TSPAN9: variants seen among roughly 807,000 people sequenced by gnomAD.
TSPAN9 encodes tetraspanin 9, also known as tetraspanin-9.
In TSPAN9, 16 loss-of-function variants were observed where a neutral mutation model predicts 31.0. The ratio of observed to expected loss-of-function variants is 0.52; its 90% CI spans 0.35 to 0.78. The LOEUF (loss-of-function observed/expected upper bound fraction) is 0.78. Among genes scored for constraint, TSPAN9 ranks in the 30% least tolerant of loss-of-function variants. The pLI, the probability that TSPAN9 is intolerant of heterozygous loss-of-function variation, is 0.01. For synonymous variants in TSPAN9, 145 were observed against 121.6 expected (o/e 1.19, Z -1.27); for missense variants, 272 against 312.5 (o/e 0.87, Z 0.98).
At chr12:3,277,063 T>A (rs1184364740) in intron 3 of TSPAN9, among the ~76,000 whole-genome samples, 1 of 152,170 alleles carries the variant, frequency 6.6e-6, no homozygotes, top group Non-Finnish European at 1.5e-5. Flanking sequence ...GCCCGGGAAG[T>A]GCCTTTCCAG....
rs151320166 is a variant in TSPAN9, at chr12:3,110,723, C to T, written c.-18+27004C>T. On this transcript the variant is annotated intron_variant, in intron 2 of 8. Coordinates refer to ENST00000011898, the MANE Select transcript of TSPAN9 (RefSeq NM_006675.5). Reference sequence around the variant, plus strand: ...TTGGAAACAAAAATGCAAACACAAGCACAGTTCACCCAGGTTCAGACTGTT... The same window carrying T: ...TTGGAAACAAAAATGCAAACACAAGTACAGTTCACCCAGGTTCAGACTGTT... 5.7e-4 allele frequency among the ~76,000 whole-genome samples: 87 copies of T among 152,298 alleles called. 1 individual carries two copies. The highest frequency in any genetic ancestry group is 2.0e-3 in the African/African-American group (82 of 41,558).
Position 3,280,313 on chromosome 12 carries a change from C to A in TSPAN9, c.331-69C>A. 1 of 1,422,992 alleles carries A rather than the reference C, an allele frequency of 7.0e-7. No individual in the cohort carries two copies. The highest frequency in any genetic ancestry group is 1.2e-5 in the South Asian group (1 of 86,558). The allele number at this position is 1,422,992 out of a possible 1,614,324, so 88.1% of individuals were successfully genotyped here. On this transcript the variant is annotated intron_variant, in intron 5 of 8. Transcript: ENST00000011898. The surrounding 1 kb of genome is among the most constrained non-coding windows in gnomAD (Gnocchi z 4.5). Reference sequence around the variant, plus strand: ...TCTGTCACCCACCATCCTGGGTGACCTGAGGTGGGCTGGAGAGACGAGCTG... The same window carrying A: ...TCTGTCACCCACCATCCTGGGTGACATGAGGTGGGCTGGAGAGACGAGCTG...
rs746496890 is a variant in TSPAN9, at chr12:3,168,400, T to G, written c.-17-32777T>G. ...CAATATGTTCCGGGTGCTGTAGGGG[T>G]GCTGGGTGAACAAGAACTGGGCCTG... On this transcript the variant is annotated intron_variant, in intron 2 of 8. Transcript: ENST00000011898. The surrounding 1 kb of genome is among the most constrained non-coding windows in gnomAD (Gnocchi z 4.0). Among the ~76,000 whole-genome samples, 1 of 151,870 alleles carries G rather than the reference T, an allele frequency of 6.6e-6. No homozygotes were observed. The highest frequency in any genetic ancestry group is 1.5e-5 in the Non-Finnish European group (1 of 68,002).
chr12:3,249,646 ACCTCCATATAGCAGGT>A, intron 3 of TSPAN9, among the ~76,000 whole-genome samples: 1 of 152,234 alleles, frequency 6.6e-6, no homozygotes, highest in East Asian at 1.9e-4. Flanking sequence ...CTCTCCGAGC[ACCTCCATATAGCAGGT>A]GCTGTCTTAG....
intron 3 of TSPAN9, among the ~76,000 whole-genome samples, chr12:3,274,615 G>A (rs11062600): frequency 0.074 from 11,328 of 152,288 alleles, 1,022 homozygotes; most frequent in East Asian, 0.37. Context: ...CCAAGGTTTT[G>A]TCCCAGCCCA....
At chr12:3,156,417 A>G in intron 2 of TSPAN9, among the ~76,000 whole-genome samples, 1 of 151,924 alleles carries the variant, frequency 6.6e-6, no homozygotes, top group East Asian at 1.9e-4. Flanking sequence ...GTGCTGATAG[A>G]GGCATCTCCT....
chr12:3,186,632 G>A (rs1440360397), intron 2 of TSPAN9, among the ~76,000 whole-genome samples: 2 of 151,936 alleles, frequency 1.3e-5, no homozygotes, highest in Non-Finnish European at 2.9e-5. Context: ...ACATGAGAAG[G>A]CATTAGGGGG....
chr12:3,110,250 T>C (rs1014130856), intron 2 of TSPAN9, among the ~76,000 whole-genome samples: 1 of 152,146 alleles, frequency 6.6e-6, no homozygotes, highest in Non-Finnish European at 1.5e-5. Flanking sequence ...TCTTCCTCCA[T>C]AGGCTCCTGG....
At chr12:3,148,295 G>T (rs989405385) in intron 2 of TSPAN9, among the ~76,000 whole-genome samples, 3 of 152,208 alleles carry the variant, frequency 2.0e-5, no homozygotes. Flanking sequence ...GCAGATAATT[G>T]CAGAGAAACT....
intron 3 of TSPAN9, among the ~76,000 whole-genome samples, chr12:3,245,847 A>C (rs1862114606): frequency 6.6e-6 from 1 of 150,998 alleles, no homozygotes. Context: ...TGCTGGGCGG[A>C]TTTGGGCATT....
chr12:3,191,620 C>T (rs1240586731), intron 2 of TSPAN9, among the ~76,000 whole-genome samples: 1 of 152,182 alleles, frequency 6.6e-6, no homozygotes, highest in Admixed American at 6.5e-5. Flanking sequence ...GGAAGCCCTC[C>T]CTGCTGGCCC....
At chr12:3,244,703 T>C (rs1273884545) in intron 3 of TSPAN9, among the ~76,000 whole-genome samples, 1 of 152,148 alleles carries the variant, frequency 6.6e-6, no homozygotes, top group East Asian at 1.9e-4. Flanking sequence ...AGATGGTCTC[T>C]TTAGTCACGG....
chr12:3,165,785 A>G (rs916819046), intron 2 of TSPAN9, among the ~76,000 whole-genome samples: 1 of 152,188 alleles, frequency 6.6e-6, no homozygotes, highest in African/African-American at 2.4e-5. Flanking sequence ...GGCGCCTAGT[A>G]TTCTCGTCCT....
intron 2 of TSPAN9, among the ~76,000 whole-genome samples, chr12:3,122,860 G>T (rs560648940): frequency 6.6e-6 from 1 of 152,200 alleles, no homozygotes; most frequent in Non-Finnish European, 1.5e-5. Flanking sequence ...TTGAAAGCAG[G>T]TGACCCCGCC....
intron 3 of TSPAN9, among the ~76,000 whole-genome samples, chr12:3,238,452 G>A (rs932890366): frequency 3.3e-5 from 5 of 152,236 alleles, no homozygotes; most frequent in Admixed American, 1.3e-4. Flanking sequence ...TTCCCACGAT[G>A]CCCTTCGTGA....
chr12:3,283,115 G>A lies in TSPAN9; in HGVS notation c.719G>A (p.Ter240=). The change falls in exon 9 of 9, where the codon TGA becomes TAA. Residue 240 remains the stop codon, a stop_retained_variant. Coordinates refer to ENST00000011898, the MANE Select transcript of TSPAN9 (RefSeq NM_006675.5). ...IHRTGKKYDA[*] ...CGGACTGGTAAGAAGTACGACGCATGAGCGGGCTGGCCGGGAGTGCCCACC... is the reference window on the plus strand; with the variant it reads ...CGGACTGGTAAGAAGTACGACGCATAAGCGGGCTGGCCGGGAGTGCCCACC... 2 of 1,608,170 alleles carry A rather than the reference G, an allele frequency of 1.2e-6. No homozygotes were observed. Among genetic ancestry groups the A allele is most frequent in the Non-Finnish European group, 1.7e-6 (2 of 1,179,944 alleles).
At position 3,209,988 on chromosome 12, in the gene TSPAN9, T is replaced by TAAAAAA. The variant is rs1565614937; in HGVS notation, c.63+8733_63+8734insAAAAAA. ...AAAAAAAAAAAAAAAAAAAAAAAAT[T>TAAAAAA]AGCCGGGTGTGGTGGCGGGTGCCTG... On this transcript the variant is annotated intron_variant, in intron 3 of 8. Coordinates refer to ENST00000011898, the MANE Select transcript of TSPAN9 (RefSeq NM_006675.5). Among the ~76,000 whole-genome samples, 2 of 32,708 alleles carry TAAAAAA rather than the reference T, an allele frequency of 6.1e-5. 1 individual carries two copies. 21.5% of individuals were successfully genotyped at this position (32,708 alleles called of 152,430 possible).
At position 3,138,003 on chromosome 12, in the gene TSPAN9, G is replaced by A. The variant is rs187207094; in HGVS notation, c.-18+54284G>A. On this transcript the variant is annotated intron_variant, in intron 2 of 8. Transcript: ENST00000011898. ...AGGAGTCGGGTGTCTGGGTCCCGCT[G>A]TCCCCCTCACTGGCTGTGTGACCCC... 9.7e-4 allele frequency among the ~76,000 whole-genome samples: 148 copies of A among 152,296 alleles called. No individual in the cohort carries two copies. The East Asian group carries it at 0.022, about 23-fold the overall frequency.
intron 2 of TSPAN9, among the ~76,000 whole-genome samples, chr12:3,135,798 G>A (rs1278443229): frequency 6.6e-6 from 1 of 152,196 alleles, no homozygotes; most frequent in Non-Finnish European, 1.5e-5. Flanking sequence ...GAAAGGCTGG[G>A]ATGAAGCCGA....
Sources: gnomAD v4.1 joint callset for allele counts (sites outside exome capture counted in the v4.1 genomes callset) on GRCh38, gnomAD v4.1.1 for gene constraint, Gnocchi (gnomAD v3.1) non-coding constraint, MANE v1.5 for transcripts, NCBI Gene and HGNC (gene_info 2026-07-23, HGNC 2026-07-21) for gene names.